LHFPL3: variants seen among roughly 807,000 people sequenced by gnomAD.
LHFPL3 encodes LHFPL tetraspan subfamily member 3 protein.
LHFPL3 carries 5 observed loss-of-function variants against 19.3 expected under a neutral mutation model. The ratio of observed to expected loss-of-function variants is 0.26; its 90% CI spans 0.14 to 0.54. LHFPL3 has a LOEUF of 0.54. LHFPL3 is among the 20% of genes least tolerant of loss of function. The pLI is 0.94. For missense variants in LHFPL3, 249 were observed against 307.4 expected, an observed-to-expected ratio of 0.81 and a Z score of 1.42; for synonymous variants, 133 against 126.2, an observed-to-expected ratio of 1.05 and a Z score of -0.36.
intron 1 of LHFPL3, among the ~76,000 whole-genome samples, chr7:104,619,272 A>T (rs1791401230): frequency 6.6e-6 from 1 of 152,226 alleles, no homozygotes; most frequent in Admixed American, 6.5e-5. Context: ...AGGCCACAGT[A>T]TACAAAATAT....
intron 2 of LHFPL3, among the ~76,000 whole-genome samples, chr7:104,769,618 A>ACCCCC (rs1220178079): frequency 5.4e-5 from 8 of 148,174 alleles, no homozygotes; most frequent in African/African-American, 7.5e-5. Flanking sequence ...AGCCCCCCCA[A>ACCCCC]CCCCCGACAG....
chr7:104,412,812 TACCATA>T (rs1791556553), intron 1 of LHFPL3, among the ~76,000 whole-genome samples: 1 of 152,216 alleles, frequency 6.6e-6, no homozygotes, highest in South Asian at 2.1e-4. Flanking sequence ...CAGGTTTGTT[TACCATA>T]AGCAATCCTA....
chr7:104,619,592 A>T (rs1791407153), intron 1 of LHFPL3, among the ~76,000 whole-genome samples: 1 of 152,144 alleles, frequency 6.6e-6, no homozygotes, highest in Admixed American at 6.5e-5. Flanking sequence ...CAATATACTG[A>T]AGTATCAATT....
chr7:104,508,871 T>A (rs1584368531), intron 1 of LHFPL3, among the ~76,000 whole-genome samples: 1 of 150,460 alleles, frequency 6.6e-6, no homozygotes, highest in Non-Finnish European at 1.5e-5. Context: ...TCTAGAAAGA[T>A]GACAAAAGTA....
intron 1 of LHFPL3, among the ~76,000 whole-genome samples, chr7:104,567,841 C>T (rs1197829235): frequency 2.0e-5 from 3 of 152,118 alleles, no homozygotes; most frequent in African/African-American, 4.8e-5. Flanking sequence ...ATGGTCATGC[C>T]GCCTGCATTG....
chr7:104,539,613 G>A (rs953392202), intron 1 of LHFPL3, among the ~76,000 whole-genome samples: 2 of 152,134 alleles, frequency 1.3e-5, no homozygotes, highest in African/African-American at 2.4e-5. Context: ...GTCAACTCTG[G>A]TTGGGCAGGA....
At chr7:104,333,647 AG>A (rs1273809501) in intron 1 of LHFPL3, among the ~76,000 whole-genome samples, 1 of 152,248 alleles carries the variant, frequency 6.6e-6, no homozygotes, top group East Asian at 1.9e-4. Flanking sequence ...TTTGTCATTT[AG>A]GTGAGATGAG....
intron 1 of LHFPL3, among the ~76,000 whole-genome samples, chr7:104,544,029 TTAAAG>T (rs1267907426): frequency 1.3e-5 from 2 of 151,094 alleles, no homozygotes; most frequent in African/African-American, 4.9e-5. Context: ...ATCCCAGAAC[TTAAAG>T]TAAAATTAAA....
chr7:104,443,067 T>A (rs1184368871), intron 1 of LHFPL3, among the ~76,000 whole-genome samples: 2 of 152,188 alleles, frequency 1.3e-5, no homozygotes, highest in Non-Finnish European at 2.9e-5. Flanking sequence ...ACCTGACAAC[T>A]GGTAATCATG....
intron 1 of LHFPL3, among the ~76,000 whole-genome samples, chr7:104,724,605 AGAGGGTG>A (rs1358040050): frequency 6.6e-6 from 1 of 152,184 alleles, no homozygotes; most frequent in African/African-American, 2.4e-5. Context: ...GGGACCTTTC[AGAGGGTG>A]GAGGGTGGGA....
At chr7:104,330,420 T>C (rs1801546380) in intron 1 of LHFPL3, among the ~76,000 whole-genome samples, 1 of 152,202 alleles carries the variant, frequency 6.6e-6, no homozygotes, top group Non-Finnish European at 1.5e-5. Flanking sequence ...CCTGGGAAGG[T>C]TTTCTGGGGA....
At chr7:104,806,357 C>G (rs2116490146) in intron 2 of LHFPL3, among the ~76,000 whole-genome samples, 1 of 152,308 alleles carries the variant, frequency 6.6e-6, no homozygotes, top group Non-Finnish European at 1.5e-5. Context: ...GGAAATTTTT[C>G]TACCAGAGTT....
intron 1 of LHFPL3, among the ~76,000 whole-genome samples, chr7:104,716,418 G>C (rs1183462783): frequency 6.6e-6 from 1 of 151,286 alleles, no homozygotes; most frequent in East Asian, 1.9e-4. Flanking sequence ...ATGTTATATA[G>C]GGAAAACCTT....
At chr7:104,347,366 G>C (rs954434947) in intron 1 of LHFPL3, among the ~76,000 whole-genome samples, 6 of 152,250 alleles carry the variant, frequency 3.9e-5, no homozygotes, top group African/African-American at 1.4e-4. Flanking sequence ...TGGTAATAGT[G>C]AGGGGAGAAC....
Position 104,512,421 on chromosome 7 carries a change from A to G in LHFPL3, c.445+183197A>G, listed in dbSNP as rs573577797. Among the ~76,000 whole-genome samples, 19 of 152,050 alleles carry G rather than the reference A, an allele frequency of 1.2e-4. No individual in the cohort carries two copies. In the South Asian group the frequency reaches 3.5e-3, roughly 28 times the overall value. Reference sequence around the variant, plus strand: ...GCTGCCTTCAGAGAGCTTTTCATCTAGCAGGCTCTATGTTGCTGTGATTAA... The same window carrying G: ...GCTGCCTTCAGAGAGCTTTTCATCTGGCAGGCTCTATGTTGCTGTGATTAA... On this transcript the variant is annotated intron_variant, in intron 1 of 2. Coordinates refer to ENST00000424859, the MANE Select transcript of LHFPL3 (RefSeq NM_199000.3).
At chr7:104,701,809 A>T (rs1320372175) in intron 1 of LHFPL3, among the ~76,000 whole-genome samples, 1 of 152,124 alleles carries the variant, frequency 6.6e-6, no homozygotes, top group African/African-American at 2.4e-5. Flanking sequence ...AAAAATTTGC[A>T]TCTTTTAGCT....
chr7:104,483,382 T>TAA (rs1562911701), intron 1 of LHFPL3, among the ~76,000 whole-genome samples: 1 of 152,252 alleles, frequency 6.6e-6, no homozygotes, highest in East Asian at 1.9e-4. Context: ...ATAAATTTTA[T>TAA]GTTCAGTTGT....
chr7:104,844,370 T>C (rs965567056), intron 2 of LHFPL3, among the ~76,000 whole-genome samples: 1 of 152,250 alleles, frequency 6.6e-6, no homozygotes, highest in African/African-American at 2.4e-5. Flanking sequence ...GAACCAGGCT[T>C]TGGAGTTCTA....
chr7:104,559,788 G>C (rs1228717834), intron 1 of LHFPL3, among the ~76,000 whole-genome samples: 1 of 150,296 alleles, frequency 6.7e-6, no homozygotes, highest in African/African-American at 2.5e-5. Flanking sequence ...TCCAGTTTTT[G>C]CCCATTCAGT....
Sources: allele counts gnomAD v4.1 joint callset (sites outside exome capture counted in the v4.1 genomes callset), GRCh38; gene constraint gnomAD v4.1.1; transcripts MANE v1.5; gene names NCBI Gene and HGNC (gene_info 2026-07-23, HGNC 2026-07-21).